Variants in ACACA observed in about 807,000 individuals in gnomAD.
The protein encoded by ACACA is acetyl-CoA carboxylase 1.
A neutral mutation model predicts 296.1 loss-of-function variants in ACACA; 103 were observed. That is an observed-to-expected ratio of 0.35 (90% CI 0.30 to 0.41). ACACA has a LOEUF of 0.41. Ranked by LOEUF, ACACA falls within the 10% of genes least tolerant of loss-of-function variation. The probability of loss-of-function intolerance (pLI) is 1.00; values close to 1 mark genes in which losing one functional copy is unlikely to be tolerated. For synonymous variants in ACACA, 953 were observed against 1,038.6 expected (o/e 0.92, Z 1.58); for missense variants, 1,554 against 2,989.7 (o/e 0.52, Z 11.20).
chr17:37,204,950 G>A (rs2078429850), intron 33 of ACACA, among the ~76,000 whole-genome samples: 1 of 152,206 alleles, frequency 6.6e-6, no homozygotes, highest in South Asian at 2.1e-4. Flanking sequence ...TCTTTGGAGG[G>A]AGAAAGTGAA....
chr17:37,236,810 G>A (rs2080133598), intron 24 of ACACA, among the ~76,000 whole-genome samples: 1 of 152,060 alleles, frequency 6.6e-6, no homozygotes, highest in African/African-American at 2.4e-5. Context: ...GGGTGTCAGA[G>A]TGAGACTTCA....
intron 45 of ACACA, among the ~76,000 whole-genome samples, chr17:37,135,068 C>T (rs1321576678): frequency 1.3e-5 from 2 of 152,196 alleles, no homozygotes; most frequent in African/African-American, 4.8e-5. Context: ...CTCATCTACT[C>T]AGTGCAGCTA....
At chr17:37,135,870 A>G (rs2075308773) in intron 45 of ACACA, among the ~76,000 whole-genome samples, 1 of 151,802 alleles carries the variant, frequency 6.6e-6, no homozygotes, top group African/African-American at 2.4e-5. Context: ...TCATGTAGGT[A>G]GGGACTTGAG....
chr17:37,173,191 C>T (rs1012332803), intron 41 of ACACA, among the ~76,000 whole-genome samples: 3 of 152,092 alleles, frequency 2.0e-5, no homozygotes, highest in Non-Finnish European at 2.9e-5. Context: ...CACCAAAACC[C>T]GTAAGCATAT....
chr17:37,199,533 A>C (rs922756828), intron 35 of ACACA, among the ~76,000 whole-genome samples: 2 of 152,200 alleles, frequency 1.3e-5, no homozygotes, highest in Non-Finnish European at 2.9e-5. Flanking sequence ...AGAATAAGCA[A>C]CAGAGTGTTT....
At chr17:37,274,982 G>GA (rs11344097) in intron 8 of ACACA, among the ~76,000 whole-genome samples, 49,584 of 135,966 alleles carry the variant, frequency 0.36, 10,449 homozygotes, top group African/African-American at 0.61. Context: ...GAGTACTTAA[G>GA]AAAAAAAAAA....
chr17:37,110,845 A>G (rs967008184), intron 52 of ACACA, among the ~76,000 whole-genome samples: 3 of 152,198 alleles, frequency 2.0e-5, no homozygotes, highest in Admixed American at 6.5e-5. Flanking sequence ...AAGGGGCTCA[A>G]TGGGAGACCT....
intron 3 of ACACA, among the ~76,000 whole-genome samples, chr17:37,316,691 C>T (rs1430927014): frequency 6.6e-6 from 1 of 152,162 alleles, no homozygotes; most frequent in Non-Finnish European, 1.5e-5. Context: ...AATTCCACTA[C>T]TGGGTATATA....
chr17:37,406,539 G>A lies in ACACA; in HGVS notation c.-240C>T, dbSNP rs2051517915. The A allele has an allele frequency of 3.3e-6, 2 of 610,642 alleles. No homozygotes were observed. The highest frequency in any genetic ancestry group is 5.8e-6 in the Non-Finnish European group (2 of 343,604). 37.8% of individuals were successfully genotyped at this position (610,642 alleles called of 1,614,324 possible). ...AATTTCCCTTGCTGCAACAGGGGTGGAGATGGGAACGTTATCCCCAAACCC... is the reference window on the plus strand; with the variant it reads ...AATTTCCCTTGCTGCAACAGGGGTGAAGATGGGAACGTTATCCCCAAACCC... On this transcript the variant is annotated 5_prime_UTR_variant, in exon 1 of 56. Transcript: ENST00000616317.
At position 37,087,452 on chromosome 17, in the gene ACACA, A is replaced by C. The variant is rs2072282160; in HGVS notation, c.7029-13T>G. The C allele has an allele frequency of 1.2e-6, 2 of 1,614,048 alleles. No homozygotes were observed. Among genetic ancestry groups the C allele is most frequent in the Admixed American group, 1.7e-5 (1 of 59,994 alleles). ...GGCCTGGACCAAGCTGGAAAGGAAG[A>C]TTGAGAATGGTGAAGAAAAGAGAAG... On this transcript the variant is annotated splice_polypyrimidine_tract_variant and intron_variant, in intron 55 of 55. Transcript: ENST00000616317.
chr17:37,231,613 T>TA (rs1470650572), intron 25 of ACACA, among the ~76,000 whole-genome samples: 1 of 152,222 alleles, frequency 6.6e-6, no homozygotes, highest in Non-Finnish European at 1.5e-5. Context: ...TCTCCCCATC[T>TA]AAACCAAATC....
At chr17:37,130,010 C>G in intron 46 of ACACA, 65 bp downstream of exon 46, 1 of 1,589,232 alleles carries the variant, frequency 6.3e-7, no homozygotes, top group Non-Finnish European at 8.6e-7. Flanking sequence ...AACACAGAGG[C>G]AGTGAGCTGT....
At chr17:37,132,546 A>C (rs2075149224) in intron 45 of ACACA, among the ~76,000 whole-genome samples, 1 of 152,144 alleles carries the variant, frequency 6.6e-6, no homozygotes, top group Non-Finnish European at 1.5e-5. Flanking sequence ...TAAAATTGGA[A>C]AGGGGGAAAA....
At chr17:37,389,507 C>CA in intron 1 of ACACA, 1 of 1,203,482 alleles carries the variant, frequency 8.3e-7, no homozygotes. Context: ...GCCTGACCAA[C>CA]ATGACGAAAC....
At chr17:37,111,502 T>C in intron 52 of ACACA, 29 bp downstream of exon 52, 15 of 1,551,990 alleles carry the variant, frequency 9.7e-6, no homozygotes, top group Non-Finnish European at 1.3e-5. Flanking sequence ...AATGGCTCAT[T>C]GATTTGCCAG....
At chr17:37,121,620 C>G in intron 49 of ACACA, 130 bp from the exon 50 acceptor site, 2 of 1,154,024 alleles carry the variant, frequency 1.7e-6, no homozygotes, top group South Asian at 2.6e-5. Flanking sequence ...TATTGTTCAT[C>G]AAGATCATCA....
At chr17:37,180,747 CTA>C (rs2144859099) in intron 40 of ACACA, among the ~76,000 whole-genome samples, 1 of 152,308 alleles carries the variant, frequency 6.6e-6, no homozygotes, top group East Asian at 1.9e-4. Flanking sequence ...ACCATGAACT[CTA>C]TATCCATTTG....
intron 1 of ACACA, among the ~76,000 whole-genome samples, chr17:37,340,746 T>C (rs1258956282): frequency 6.6e-6 from 1 of 152,174 alleles, no homozygotes; most frequent in Non-Finnish European, 1.5e-5. Flanking sequence ...AGGAAAAAGT[T>C]TGGATCATGT....
chr17:37,327,345 A>T (rs542766323), intron 3 of ACACA, among the ~76,000 whole-genome samples: 2 of 152,326 alleles, frequency 1.3e-5, no homozygotes, highest in Admixed American at 6.5e-5. Flanking sequence ...CCATATCCAG[A>T]AGTGACTTAA....
Sources: gnomAD v4.1 joint callset for allele counts (sites outside exome capture counted in the v4.1 genomes callset) on GRCh38, gnomAD v4.1.1 for gene constraint, MANE v1.5 for transcripts, NCBI Gene and HGNC (gene_info 2026-07-23, HGNC 2026-07-21) for gene names.